Variants in BDP1 observed in about 807,000 individuals in gnomAD.
BDP1 encodes BDP1 general transcription factor IIIB subunit.
In BDP1, 169 loss-of-function variants were observed where a neutral mutation model predicts 266.6. The ratio of observed to expected loss-of-function variants is 0.63; its 90% CI spans 0.56 to 0.72. The LOEUF is 0.72. BDP1 is among the 30% of genes least tolerant of loss of function. BDP1 has a pLI of 0.00. For missense variants in BDP1, 3,015 were observed against 3,053.8 expected (o/e 0.99, Z 0.30); for synonymous variants, 1,090 against 1,022.4 (o/e 1.07, Z -1.26).
Position 71,545,038 on chromosome 5 carries a change from G to T in BDP1, c.6564-1G>T, listed in dbSNP as rs769098375. The T allele has an allele frequency of 6.2e-7, 1 of 1,611,928 alleles. No homozygotes were observed. Among genetic ancestry groups the T allele is most frequent in the Non-Finnish European group, 8.5e-7 (1 of 1,179,600 alleles). On this transcript the variant is annotated splice_acceptor_variant, in intron 31 of 38. Transcript: ENST00000358731. LOFTEE classifies it high-confidence loss of function. ...GACATGCATGCTAAACTCTCTTTCA[G>T]AAACGAAAATCAAGAAGAGAGCTCT...
intron 2 of BDP1, among the ~76,000 whole-genome samples, chr5:71,461,076 C>A (rs1252550262): frequency 6.6e-6 from 1 of 152,170 alleles, no homozygotes; most frequent in African/African-American, 2.4e-5. Flanking sequence ...ACCTCCCAGG[C>A]TCAAGTGATC....
At chr5:71,541,733 A>G in intron 29 of BDP1, 51 bp downstream of exon 29, 1 of 1,148,038 alleles carries the variant, frequency 8.7e-7, no homozygotes. Context: ...CCATCAAATT[A>G]GTTAATAGCT....
intron 18 of BDP1, 22 bp from the exon 19 acceptor site, chr5:71,513,162 CT>C (rs1424140969): frequency 1.9e-6 from 3 of 1,578,754 alleles, no homozygotes; most frequent in Non-Finnish European, 2.6e-6. Flanking sequence ...CATTCTAAAG[CT>C]TGATAATCCT....
Position 71,567,816 on chromosome 5 carries a change from T to G in BDP1, c.*2931T>G, listed in dbSNP as rs1744120706. The G allele has an allele frequency of 6.6e-6, 1 of 152,232 alleles. No individual in the cohort carries two copies. The highest frequency in any genetic ancestry group is 2.4e-5 in the African/African-American group (1 of 41,442). The allele number at this position is 152,232 out of a possible 1,614,324, so 9.4% of individuals were successfully genotyped here. On this transcript the variant is annotated 3_prime_UTR_variant, in exon 39 of 39. Transcript: ENST00000358731. ...AATTATGTAAATAAAAGTTATTTTA[T>G]ATCATTTCTGTTGTGTCCTTTTAAG...
At chr5:71,458,897 A>C (rs913016800) in intron 2 of BDP1, 42 bp downstream of exon 2, 1 of 1,558,684 alleles carries the variant, frequency 6.4e-7, no homozygotes, top group Admixed American at 1.9e-5. Flanking sequence ...CCTTCTATTT[A>C]TGTTAGTAAG....
At chr5:71,461,313 A>G (rs886742253) in intron 2 of BDP1, among the ~76,000 whole-genome samples, 5 of 152,030 alleles carry the variant, frequency 3.3e-5, no homozygotes, top group African/African-American at 1.2e-4. Context: ...AGTCACTTTA[A>G]TTGTTAAAAT....
At chr5:71,576,234 T>C in the BDP1 span, among the ~76,000 whole-genome samples, 1 of 152,196 alleles carries the variant, frequency 6.6e-6, no homozygotes, top group Non-Finnish European at 1.5e-5. Flanking sequence ...GTATGACCCA[T>C]ACTTTGGAGT....
At position 71,516,374 on chromosome 5, in the gene BDP1, T is replaced by C. The variant is rs931253147; in HGVS notation, c.4860+103T>C. On this transcript the variant is annotated intron_variant, in intron 21 of 38. Transcript: ENST00000358731. ...AAATACAGGCATCTGACACTTATTC[T>C]ACTCAATGAATACAGTTTCCAGTTT... 1.2e-5 allele frequency: 10 copies of C among 825,592 alleles called. No individual in the cohort carries two copies. In the African/African-American group the frequency reaches 1.7e-4, roughly 14 times the overall value. 51.1% of individuals were successfully genotyped at this position (825,592 alleles called of 1,614,324 possible). A position where few individuals can be genotyped will look rare whatever the true frequency, so the allele number is the denominator to read the frequency against.
At chr5:71,495,487 G>A in intron 12 of BDP1, 79 bp downstream of exon 12, 1 of 846,688 alleles carries the variant, frequency 1.2e-6, no homozygotes, top group South Asian at 2.5e-5. Context: ...CTTCATTTAG[G>A]GATTCGAGGG....
Position 71,513,313 on chromosome 5 carries a change from A to AAT in BDP1, c.4385_4386dup (p.Glu1463MetfsTer14). 1.2e-6 allele frequency: 2 copies of AAT among 1,609,514 alleles called. No individual in the cohort carries two copies. The highest frequency in any genetic ancestry group is 1.7e-6 in the Non-Finnish European group (2 of 1,177,084). On this transcript the variant is annotated frameshift_variant, in exon 19 of 39. Transcript: ENST00000358731. LOFTEE classifies it high-confidence loss of function. Reference sequence around the variant, plus strand: ...AAGAGAGAGACTACAGAATCAGAAAAATATATATATGAGAAGAAATCAGAA... The same window carrying AAT: ...AAGAGAGAGACTACAGAATCAGAAAAATATATATATATGAGAAGAAATCAGAA...
intron 16 of BDP1, 59 bp from the exon 17 acceptor site, chr5:71,509,406 T>A: frequency 1.4e-6 from 2 of 1,468,370 alleles, no homozygotes; most frequent in East Asian, 4.7e-5. Context: ...TCAAACATCA[T>A]CTCTTCAGCA....
chr5:71,558,236 T>C (rs1306403053), intron 36 of BDP1, among the ~76,000 whole-genome samples: 2 of 148,326 alleles, frequency 1.3e-5, no homozygotes, highest in Admixed American at 7.0e-5. Context: ...TCTGGTTCTT[T>C]AAAAACACTT....
chr5:71,525,697 A>C (rs1433586399), intron 25 of BDP1, among the ~76,000 whole-genome samples: 17 of 90,356 alleles, frequency 1.9e-4, no homozygotes, highest in Admixed American at 5.5e-4. Context: ...CTGACCCCCC[A>C]CCTCCCTTCC....
At position 71,514,938 on chromosome 5, in the gene BDP1, T is replaced by C; in HGVS notation, c.4471-6T>C. ...CTGTGAATGAAATTTTTTTTCTGTC[T>C]TCTAGGATGAAGCTTCCCTAATGAT... On this transcript the variant is annotated splice_region_variant and splice_polypyrimidine_tract_variant and intron_variant, in intron 19 of 38. Coordinates refer to ENST00000358731, the MANE Select transcript of BDP1 (RefSeq NM_018429.3). 1 of 1,591,228 alleles carries C rather than the reference T, an allele frequency of 6.3e-7. No homozygotes were observed. The highest frequency in any genetic ancestry group is 8.5e-7 in the Non-Finnish European group (1 of 1,172,582).
chr5:71,474,986 C>T (rs1479273115), intron 7 of BDP1, among the ~76,000 whole-genome samples: 1 of 152,046 alleles, frequency 6.6e-6, no homozygotes, highest in Non-Finnish European at 1.5e-5. Flanking sequence ...AAATGCATAA[C>T]ACTAATTACT....
chr5:71,504,271 TC>T (rs1764437277), intron 15 of BDP1, among the ~76,000 whole-genome samples: 1 of 78,572 alleles, frequency 1.3e-5, no homozygotes, highest in Admixed American at 1.3e-4. Context: ...AGACTCCGTC[TC>T]AAAAAAAAAA....
chr5:71,525,330 T>C (rs1257961356), intron 25 of BDP1, among the ~76,000 whole-genome samples: 35 of 103,500 alleles, frequency 3.4e-4, no homozygotes, highest in East Asian at 6.5e-4. Flanking sequence ...CACTTCCCAG[T>C]AGGGGCGGCC....
the BDP1 span, among the ~76,000 whole-genome samples, chr5:71,577,920 ATG>A: frequency 6.6e-6 from 1 of 152,150 alleles, no homozygotes; most frequent in Non-Finnish European, 1.5e-5. Context: ...GAAGGGGGAA[ATG>A]TTGGGAGCCA....
At chr5:71,570,897 C>T (rs1250321376), downstream of BDP1, among the ~76,000 whole-genome samples, 9 of 152,220 alleles carry the variant, frequency 5.9e-5, no homozygotes, top group Admixed American at 5.9e-4. Flanking sequence ...ATAAGATGCA[C>T]ATAAATACAG....
Sources: gnomAD v4.1 joint callset for allele counts (sites outside exome capture counted in the v4.1 genomes callset) on GRCh38, gnomAD v4.1.1 for gene constraint, MANE v1.5 for transcripts, NCBI Gene and HGNC (gene_info 2026-07-23, HGNC 2026-07-21) for gene names.